Variants in CLDN10 observed in about 807,000 individuals in gnomAD.
The protein encoded by CLDN10 is claudin 10.
A neutral mutation model predicts 22.9 loss-of-function variants in CLDN10; 15 were observed. The observed-to-expected ratio is 0.65, with a 90% confidence interval of 0.44 to 1.01. CLDN10 has a LOEUF of 1.01. CLDN10 is among the 50% of genes least tolerant of loss of function. The pLI is 0.00. For missense variants in CLDN10, 247 were observed against 287.8 expected (o/e 0.86, Z 1.03); for synonymous variants, 114 against 111.4 (o/e 1.02, Z -0.15).
intron 1 of CLDN10, among the ~76,000 whole-genome samples, chr13:95,534,136 A>G (rs1169505156): frequency 2.0e-5 from 3 of 152,186 alleles, no homozygotes; most frequent in South Asian, 4.1e-4. Context: ...TTTCAGCTCC[A>G]TGAGAAAAAG....
intron 1 of CLDN10, among the ~76,000 whole-genome samples, chr13:95,477,562 G>A (rs927458628): frequency 3.3e-5 from 5 of 152,214 alleles, no homozygotes; most frequent in African/African-American, 1.2e-4. Context: ...CGGGGCAGAT[G>A]TTAAAGCATC....
intron 3 of CLDN10, among the ~76,000 whole-genome samples, chr13:95,562,468 C>CT (rs2043727927): frequency 6.6e-6 from 1 of 152,096 alleles, no homozygotes; most frequent in Non-Finnish European, 1.5e-5. Flanking sequence ...CTCAATATAA[C>CT]TTTTTTATCC....
chr13:95,453,681 T>C (rs2042454367), intron 1 of CLDN10, among the ~76,000 whole-genome samples: 1 of 142,184 alleles, frequency 7.0e-6, no homozygotes, highest in South Asian at 2.2e-4. Context: ...GAGATCCATC[T>C]CAAAAAGAAA....
intron 1 of CLDN10, among the ~76,000 whole-genome samples, chr13:95,538,890 C>T (rs7987957): frequency 0.93 from 140,935 of 151,828 alleles, 65,574 homozygotes; most frequent in East Asian, 1. Flanking sequence ...ACATTTCTCT[C>T]TTTTTTTGAG....
At chr13:95,478,417 A>T (rs1381615441) in intron 1 of CLDN10, among the ~76,000 whole-genome samples, 1 of 152,258 alleles carries the variant, frequency 6.6e-6, no homozygotes, top group Non-Finnish European at 1.5e-5. Context: ...GAGCGTTTAC[A>T]GAACTCCCCA....
chr13:95,481,491 G>A (rs1441817461), intron 1 of CLDN10, among the ~76,000 whole-genome samples: 2 of 152,192 alleles, frequency 1.3e-5, no homozygotes, highest in Non-Finnish European at 2.9e-5. Context: ...CAGCAAAGCT[G>A]TAAAGCAGGG....
intron 1 of CLDN10, among the ~76,000 whole-genome samples, chr13:95,538,153 CTTTTTTTTTTTTT>C (rs1176533524): frequency 6.0e-5 from 4 of 66,804 alleles, no homozygotes; most frequent in Admixed American, 4.6e-4. Context: ...CTGTTTATTT[CTTTTTTTTTTTTT>C]TTTTTTTTTT....
intron 1 of CLDN10, among the ~76,000 whole-genome samples, chr13:95,520,914 G>A (rs1038700679): frequency 1.4e-4 from 21 of 150,568 alleles, no homozygotes; most frequent in Admixed American, 1.3e-3. Flanking sequence ...GCAGTGAGCC[G>A]AGATCACACC....
intron 1 of CLDN10, among the ~76,000 whole-genome samples, chr13:95,472,942 A>G (rs2042650274): frequency 6.6e-6 from 1 of 151,384 alleles, no homozygotes; most frequent in Non-Finnish European, 1.5e-5. Context: ...GGAGGTCAAG[A>G]GCAGCCTGGG....
At chr13:95,477,980 G>A (rs116054859) in intron 1 of CLDN10, among the ~76,000 whole-genome samples, 1,746 of 152,262 alleles carry the variant, frequency 0.011, 23 homozygotes, top group African/African-American at 0.04. Flanking sequence ...TCTCAAAATT[G>A]GCTGCAAATT....
intron 3 of CLDN10, among the ~76,000 whole-genome samples, chr13:95,573,523 T>A (rs2043887631): frequency 6.6e-6 from 1 of 152,102 alleles, no homozygotes; most frequent in Non-Finnish European, 1.5e-5. Flanking sequence ...GGTGTTGAAA[T>A]CAGCTTCTTA....
intron 3 of CLDN10, among the ~76,000 whole-genome samples, chr13:95,561,762 T>C (rs960825984): frequency 7.6e-5 from 11 of 145,634 alleles, no homozygotes; most frequent in Admixed American, 2.2e-4. Flanking sequence ...GTTTCTTTCG[T>C]CCTTTTTTTT....
intron 1 of CLDN10, among the ~76,000 whole-genome samples, chr13:95,499,853 G>C (rs991945291): frequency 1.3e-5 from 2 of 152,222 alleles, no homozygotes; most frequent in Admixed American, 6.5e-5. Context: ...GGCTTCTCTG[G>C]GCCACATTGG....
intron 1 of CLDN10, among the ~76,000 whole-genome samples, chr13:95,476,040 C>G (rs1290819260): frequency 2.6e-4 from 40 of 152,176 alleles, no homozygotes; most frequent in Non-Finnish European, 1.9e-4. Context: ...CCGTGTGCCA[C>G]TCCCCTTCTG....
chr13:95,578,479 C>T lies in CLDN10; in HGVS notation c.*465C>T, dbSNP rs1321853171. ...GGTTAAATAGACATGTTACTGGCTG[C>T]ACACAGGCAAATTCTAGTTTGTTTT... On this transcript the variant is annotated 3_prime_UTR_variant, in exon 5 of 5. Transcript: ENST00000299339. The T allele has an allele frequency of 6.6e-6, 1 of 152,260 alleles. No homozygotes were observed. Among genetic ancestry groups the T allele is most frequent in the Non-Finnish European group, 1.5e-5 (1 of 68,076 alleles). The allele number at this position is 152,260 out of a possible 1,614,324, so 9.4% of individuals were successfully genotyped here.
intron 1 of CLDN10, among the ~76,000 whole-genome samples, chr13:95,523,893 A>C (rs142055311): frequency 1.3e-5 from 2 of 152,300 alleles, no homozygotes; most frequent in Non-Finnish European, 2.9e-5. Flanking sequence ...TGACCGTATC[A>C]CTTCCCTTCT....
rs999536359 is a variant in CLDN10 at position 95,531,068 on chromosome 13, G to C, written c.215-29064G>C. 3.3e-5 allele frequency among the ~76,000 whole-genome samples: 5 copies of C among 151,876 alleles called. No homozygotes were observed. In the East Asian group the frequency reaches 9.7e-4, roughly 30 times the overall value. ...CGAGTAGCTGGGACTACAGGCGTGT[G>C]CCACCACACCCGGCTTATTTTTTGT... On this transcript the variant is annotated intron_variant, in intron 1 of 4. Transcript: ENST00000376873.
Position 95,436,368 on chromosome 13 carries a change from A to G in CLDN10, c.214+2321A>G, listed in dbSNP as rs538214397. ...TTGGCTAATTTTTAAAGGTTTCTGT[A>G]GAGATCAGATCTCACTATGTTACCT... On this transcript the variant is annotated intron_variant, in intron 1 of 4. Transcript: ENST00000376873. Among the ~76,000 whole-genome samples the G allele has an allele frequency of 1.3e-4, 20 of 152,216 alleles. 1 individual carries two copies. Among genetic ancestry groups the G allele is most frequent in the African/African-American group, 4.3e-4 (18 of 41,520 alleles).
At chr13:95,468,929 T>C (rs1399336739) in intron 1 of CLDN10, among the ~76,000 whole-genome samples, 1 of 152,164 alleles carries the variant, frequency 6.6e-6, no homozygotes, top group African/African-American at 2.4e-5. Flanking sequence ...GATATTTATA[T>C]TTTTCTTGCA....
Sources: gnomAD v4.1 joint callset for allele counts (sites outside exome capture counted in the v4.1 genomes callset) on GRCh38, gnomAD v4.1.1 for gene constraint, MANE v1.5 for transcripts, NCBI Gene and HGNC (gene_info 2026-07-23, HGNC 2026-07-21) for gene names.